CASK: variants seen among roughly 807,000 people sequenced by gnomAD.
The protein encoded by CASK is peripheral plasma membrane protein CASK.
CASK carries 4 observed loss-of-function variants against 82.9 expected under a neutral mutation model. The observed-to-expected ratio is 0.05, with a 90% CI of 0.02 to 0.11. CASK has a LOEUF of 0.11. Among genes scored for constraint, CASK ranks in the 10% least tolerant of loss-of-function variants. The pLI, the probability that CASK is intolerant of heterozygous loss-of-function variation, is 1.00. For missense variants in CASK, 358 were observed against 720.9 expected (o/e 0.50, Z 5.76); for synonymous variants, 259 against 253.5 (o/e 1.02, Z -0.20).
chrX:41,636,042 G>A (rs1332668382), intron 9 of CASK, among the ~76,000 whole-genome samples: 2 of 107,154 alleles, frequency 1.9e-5, no homozygotes, highest in Non-Finnish European at 3.8e-5. Flanking sequence ...GATTATAGGC[G>A]CCTGCCACCA....
intron 2 of CASK, among the ~76,000 whole-genome samples, chrX:41,805,481 C>T (rs1397765777): frequency 8.9e-6 from 1 of 111,789 alleles, no homozygotes; most frequent in East Asian, 2.8e-4. Context: ...TATGAGGAAG[C>T]ATACAAAGAC....
At chrX:41,749,376 ATTTTTTTTTTT>A (rs35045589) in intron 3 of CASK, among the ~76,000 whole-genome samples, 3 of 72,383 alleles carry the variant, frequency 4.1e-5, no homozygotes, top group African/African-American at 9.7e-5. Context: ...TTCTTCACCA[ATTTTTTTTTTT>A]TTTTTTTTTT....
At chrX:41,680,909 C>T (rs976217769) in intron 5 of CASK, among the ~76,000 whole-genome samples, 14 of 109,782 alleles carry the variant, frequency 1.3e-4, no homozygotes, top group African/African-American at 4.3e-4. Context: ...GAGCGAAACT[C>T]GGTCTCAAAA....
chrX:41,688,235 G>A (rs751413290), intron 5 of CASK, among the ~76,000 whole-genome samples: 1 of 111,544 alleles, frequency 9.0e-6, no homozygotes, highest in East Asian at 2.8e-4. Context: ...TAATTAGAAT[G>A]TTAGATACAG....
chrX:41,543,150 A>G (rs997056594), intron 21 of CASK, among the ~76,000 whole-genome samples: 1 of 112,370 alleles, frequency 8.9e-6, no homozygotes, highest in African/African-American at 3.2e-5. Flanking sequence ...TGAGCACTTA[A>G]TGTTAGACAC....
At chrX:41,606,914 A>T (rs1436430260) in intron 12 of CASK, among the ~76,000 whole-genome samples, 2 of 109,720 alleles carry the variant, frequency 1.8e-5, no homozygotes, top group Non-Finnish European at 3.8e-5. Context: ...GCTGGTCTTG[A>T]GCTCCTGGGC....
intron 2 of CASK, among the ~76,000 whole-genome samples, chrX:41,846,352 T>C (rs765542747): frequency 2.8e-5 from 3 of 107,861 alleles, no homozygotes; most frequent in African/African-American, 1.0e-4. Flanking sequence ...TGTTTTAACT[T>C]ATTTGTAGGA....
At chrX:41,680,915 CAA>C (rs1197819725) in intron 5 of CASK, among the ~76,000 whole-genome samples, 1 of 102,051 alleles carries the variant, frequency 9.8e-6, no homozygotes, top group Non-Finnish European at 2.0e-5. Context: ...AACTCGGTCT[CAA>C]AAAAAAAAAA....
At chrX:41,660,367 T>C (rs1397523051) in intron 8 of CASK, 72 bp downstream of exon 8, 3 of 910,211 alleles carry the variant, frequency 3.3e-6, no homozygotes, top group Non-Finnish European at 4.8e-6. Flanking sequence ...GACCATCTCA[T>C]AGAGCAACGC....
intron 1 of CASK, among the ~76,000 whole-genome samples, chrX:41,864,672 G>A (rs756224241): frequency 1.8e-5 from 2 of 112,098 alleles, no homozygotes; most frequent in East Asian, 5.6e-4. Context: ...AAATTCTTAT[G>A]GGGGGTAATC....
At chrX:41,569,960 A>G (rs1602278594) in intron 15 of CASK, among the ~76,000 whole-genome samples, 1 of 103,279 alleles carries the variant, frequency 9.7e-6, no homozygotes, top group Non-Finnish European at 2.0e-5. Context: ...CTATATACAT[A>G]TATTTTATAT....
intron 3 of CASK, among the ~76,000 whole-genome samples, chrX:41,779,613 A>G (rs1300586830): frequency 8.9e-6 from 1 of 111,964 alleles, no homozygotes. Context: ...AGCAATTTAT[A>G]TCATCACACA....
At chrX:41,680,949 C>G (rs183676348) in intron 5 of CASK, among the ~76,000 whole-genome samples, 110 of 111,858 alleles carry the variant, frequency 9.8e-4, no homozygotes, top group African/African-American at 3.4e-3. Context: ...ACCACAAGTT[C>G]AAGCTAATAT....
At chrX:41,592,909 A>G (rs1401850307) in intron 12 of CASK, among the ~76,000 whole-genome samples, 1 of 112,005 alleles carries the variant, frequency 8.9e-6, no homozygotes, top group East Asian at 2.8e-4. Context: ...TGTTCTATCC[A>G]TACAACTTCA....
At chrX:41,594,579 GC>G (rs1331265586) in intron 12 of CASK, among the ~76,000 whole-genome samples, 1 of 111,975 alleles carries the variant, frequency 8.9e-6, no homozygotes, top group Non-Finnish European at 1.9e-5. Context: ...AGAGACTGGT[GC>G]CTGCCTCTTT....
chrX:41,602,532 GGGAAA>G (rs1215110050), intron 12 of CASK, among the ~76,000 whole-genome samples: 2 of 110,241 alleles, frequency 1.8e-5, no homozygotes, highest in Non-Finnish European at 3.8e-5. Context: ...TAACAACTCT[GGGAAA>G]GGATGATATT....
chrX:41,887,296 C>CACACA (rs2072066379), intron 1 of CASK, among the ~76,000 whole-genome samples: 1 of 83,509 alleles, frequency 1.2e-5, no homozygotes, highest in Non-Finnish European at 2.3e-5. Flanking sequence ...CTAGTTGAGT[C>CACACA]CACACACACA....
chrX:41,771,472 A>G (rs373862114), intron 3 of CASK, among the ~76,000 whole-genome samples: 1 of 112,104 alleles, frequency 8.9e-6, no homozygotes, highest in East Asian at 2.8e-4. Context: ...AGGAGATGAT[A>G]TAAATACATG....
intron 3 of CASK, among the ~76,000 whole-genome samples, chrX:41,779,950 T>C (rs1375301550): frequency 4.5e-5 from 5 of 110,927 alleles, no homozygotes; most frequent in Admixed American, 1.9e-4. Context: ...AAATTAAAGA[T>C]ATAAAAGGTA....
Sources: allele counts gnomAD v4.1 joint callset (sites outside exome capture counted in the v4.1 genomes callset), GRCh38; gene constraint gnomAD v4.1.1; transcripts MANE v1.5; gene names NCBI Gene and HGNC (gene_info 2026-07-23, HGNC 2026-07-21).